Variants in SLC12A1 observed in about 807,000 individuals in gnomAD.
The protein encoded by SLC12A1 is Na-K-2Cl cotransporter.
A neutral mutation model predicts 130.4 loss-of-function variants in SLC12A1; 89 were observed. The observed-to-expected ratio is 0.68, with a 90% confidence interval of 0.58 to 0.81. The LOEUF (loss-of-function observed/expected upper bound fraction) is 0.81, where lower values mean the gene tolerates loss of function less well. SLC12A1 is among the 40% of genes least tolerant of loss of function. The probability of loss-of-function intolerance (pLI) is 0.00; values close to 1 mark genes in which losing one functional copy is unlikely to be tolerated. For synonymous variants in SLC12A1, 499 were observed against 460.0 expected (o/e 1.08, Z -1.09); for missense variants, 1,310 against 1,336.4 (o/e 0.98, Z 0.31).
chr15:48,221,327 C>T, intron 4 of SLC12A1: 1 of 701,758 alleles, frequency 1.4e-6, no homozygotes. Flanking sequence ...ATTTGCCTCT[C>T]ATTTGTTACA....
intron 20 of SLC12A1, among the ~76,000 whole-genome samples, chr15:48,275,570 A>G (rs1463658266): frequency 6.6e-6 from 1 of 152,188 alleles, no homozygotes; most frequent in Non-Finnish European, 1.5e-5. Context: ...GATGCACTGG[A>G]TGAGTAGGAG....
chr15:48,251,751 T>C lies in SLC12A1; in HGVS notation c.1923T>C (p.Tyr641=). 2 of 1,613,950 alleles carry C rather than the reference T, an allele frequency of 1.2e-6. No individual in the cohort carries two copies. Among genetic ancestry groups the C allele is most frequent in the Non-Finnish European group, 8.5e-7 (1 of 1,179,850 alleles). ...TCATTGAATTCTTCCTTTACGTCTA[T>C]GTGACTTGTAAGAAGCCAGGTAAGA... ...TYVIEFFLYV[Y]VTCKKPDVNW... The change falls in exon 15 of 27, where the codon TAT becomes TAC. Residue 641 remains tyrosine, a synonymous_variant. Transcript: ENST00000380993.
At chr15:48,261,083 T>C (rs2041769291) in intron 17 of SLC12A1, among the ~76,000 whole-genome samples, 1 of 152,204 alleles carries the variant, frequency 6.6e-6, no homozygotes, top group African/African-American at 2.4e-5. Flanking sequence ...TTATCAACTC[T>C]GGTGCCCTGG....
At chr15:48,230,283 A>G (rs1013582433) in intron 6 of SLC12A1, 110 bp from the exon 7 acceptor site, 1 of 663,602 alleles carries the variant, frequency 1.5e-6, no homozygotes, top group African/African-American at 1.8e-5. Context: ...CTATTATCCT[A>G]TATGGCCCCA....
intron 17 of SLC12A1, among the ~76,000 whole-genome samples, chr15:48,260,198 G>A (rs912581890): frequency 6.6e-6 from 1 of 151,920 alleles, no homozygotes; most frequent in African/African-American, 2.4e-5. Flanking sequence ...CTGGGAGGTG[G>A]AGGTTATGGT....
intron 9 of SLC12A1, among the ~76,000 whole-genome samples, chr15:48,240,196 C>A (rs2041500288): frequency 6.6e-6 from 1 of 150,414 alleles, no homozygotes; most frequent in Non-Finnish European, 1.5e-5. Flanking sequence ...ACATTTTACT[C>A]AGATCTCAAG....
chr15:48,288,373 C>A, intron 22 of SLC12A1, 32 bp from the exon 23 acceptor site: 1 of 1,194,302 alleles, frequency 8.4e-7, no homozygotes, highest in Non-Finnish European at 1.2e-6. Flanking sequence ...TTTAGATATA[C>A]TCATTGTGTC....
At chr15:48,278,430 C>T (rs1007262241) in intron 20 of SLC12A1, among the ~76,000 whole-genome samples, 1 of 152,176 alleles carries the variant, frequency 6.6e-6, no homozygotes, top group African/African-American at 2.4e-5. Flanking sequence ...GGGATTCAAA[C>T]CTGTATCTGT....
intron 2 of SLC12A1, among the ~76,000 whole-genome samples, chr15:48,210,671 C>T (rs981578350): frequency 2.9e-5 from 4 of 139,312 alleles, no homozygotes; most frequent in East Asian, 2.1e-4. Flanking sequence ...CCATGACCAA[C>T]TGGTGAAATC....
intron 9 of SLC12A1, among the ~76,000 whole-genome samples, chr15:48,241,083 A>T (rs2041510568): frequency 6.6e-6 from 1 of 152,204 alleles, no homozygotes; most frequent in African/African-American, 2.4e-5. Context: ...TGATTTTTTT[A>T]AAGGCAAGCT....
chr15:48,226,485 T>G lies in SLC12A1; in HGVS notation c.638T>G (p.Val213Gly). 4 of 1,584,868 alleles carry G rather than the reference T, an allele frequency of 2.5e-6. No individual in the cohort carries two copies. The highest frequency in any genetic ancestry group is 3.4e-6 in the Non-Finnish European group (4 of 1,163,168). Residue 213 changes from valine to glycine, a missense_variant, in exon 5 of 27, where the codon GTT becomes GGT. Physicochemically the swap from Val to Gly is moderately radical, Grantham distance 109. Transcript: ENST00000380993. ...IVGEAGIGLG[V>G]LIILLSTMVT... ...CTTTCATTGCTAACAGGTCTTGGAG[T>G]TCTCATAATTCTTCTTTCCACCATG...
chr15:48,274,730 C>T (rs561249405), intron 20 of SLC12A1, 77 bp downstream of exon 20: 1 of 955,080 alleles, frequency 1.0e-6, no homozygotes, highest in Non-Finnish European at 1.6e-6. Flanking sequence ...TGGGATACAG[C>T]AGGGCACAAT....
In SLC12A1 at chr15:48,243,610, G is replaced by A. The variant is rs371118097; in HGVS notation, c.1301-1143G>A. On this transcript the variant is annotated intron_variant, in intron 10 of 26. Transcript: ENST00000380993. ...GCGGAGGTTGCAGTGAGCCAAGATCGTGCACTGCACTCCAGCCTGGGTGAC... is the reference window on the plus strand; with the variant it reads ...GCGGAGGTTGCAGTGAGCCAAGATCATGCACTGCACTCCAGCCTGGGTGAC... 6.6e-5 allele frequency among the ~76,000 whole-genome samples: 10 copies of A among 152,150 alleles called. 1 individual carries two copies. Among genetic ancestry groups the A allele is most frequent in the East Asian group, 5.8e-4 (3 of 5,194 alleles).
rs2042082882 is a variant in SLC12A1 at position 48,288,438 on chromosome 15, T to G, written c.2795T>G (p.Leu932Arg). The G allele has an allele frequency of 1.3e-6, 2 of 1,547,902 alleles. No individual in the cohort carries two copies. Among genetic ancestry groups the G allele is most frequent in the Non-Finnish European group, 1.8e-6 (2 of 1,140,876 alleles). ...LTLLIPYILT[L>R]RKKWKDCKLR... is the part of the protein sequence containing the mutation. The stretch of plus-strand genomic sequence containing the variant: ...CTTCTTATCCCCTATATCTTAACTC[T>G]CAGAAAAAAATGGAAAGACTGTAAA... Residue 932 changes from leucine to arginine, a missense_variant, in exon 23 of 27, where the codon CTC (leucine) becomes CGC (arginine). By Grantham distance (102) the Leu-to-Arg change is moderately radical (BLOSUM62 -2). Coordinates refer to ENST00000380993, the MANE Select transcript of SLC12A1 (RefSeq NM_000338.3).
At chr15:48,243,435 A>G (rs1326772473) in intron 10 of SLC12A1, among the ~76,000 whole-genome samples, 1 of 152,124 alleles carries the variant, frequency 6.6e-6, no homozygotes, top group Non-Finnish European at 1.5e-5. Context: ...AGACAGGTGG[A>G]TCACGAGGTC....
At chr15:48,206,736 A>G (rs1021674894) in intron 1 of SLC12A1, among the ~76,000 whole-genome samples, 3 of 152,216 alleles carry the variant, frequency 2.0e-5, no homozygotes, top group African/African-American at 7.2e-5. Flanking sequence ...CCTCTCAATT[A>G]TTGAAGACAT....
At chr15:48,212,212 T>TA (rs1284734619) in intron 2 of SLC12A1, among the ~76,000 whole-genome samples, 1 of 152,132 alleles carries the variant, frequency 6.6e-6, no homozygotes. Context: ...TAACAAATAC[T>TA]AAAAAATATG....
intron 23 of SLC12A1, among the ~76,000 whole-genome samples, chr15:48,289,153 A>G (rs1475839711): frequency 1.3e-5 from 2 of 151,548 alleles, no homozygotes; most frequent in Non-Finnish European, 2.9e-5. Flanking sequence ...TTAGCCATTG[A>G]GAGTTGATGC....
At chr15:48,227,186 A>G in intron 5 of SLC12A1, 1 of 1,502,436 alleles carries the variant, frequency 6.7e-7, no homozygotes. Context: ...TAAGCCAATT[A>G]ATTTACTTAT....
Sources: gnomAD v4.1 joint callset for allele counts (sites outside exome capture counted in the v4.1 genomes callset) on GRCh38, gnomAD v4.1.1 for gene constraint, MANE v1.5 for transcripts, NCBI Gene and HGNC (gene_info 2026-07-23, HGNC 2026-07-21) for gene names.